Variants in MAP2K5 observed in about 807,000 individuals in gnomAD.
MAP2K5 encodes the protein mitogen-activated protein kinase kinase 5, also known as dual specificity mitogen-activated protein kinase kinase 5.
MAP2K5 carries 49 observed loss-of-function variants against 83.1 expected under a neutral mutation model. The observed-to-expected ratio is 0.59, with a 90% CI of 0.47 to 0.75. MAP2K5 has a LOEUF of 0.75. MAP2K5 is among the 30% of genes least tolerant of loss of function. The pLI is 0.00. For synonymous variants in MAP2K5, 202 were observed against 191.8 expected (o/e 1.05, Z -0.44); for missense variants, 457 against 557.5 (o/e 0.82, Z 1.82).
chr15:67,752,047 TTTTGTTTG>T (rs777800677), intron 19 of MAP2K5, among the ~76,000 whole-genome samples: 1 of 152,070 alleles, frequency 6.6e-6, no homozygotes, highest in Non-Finnish European at 1.5e-5. Flanking sequence ...CTTCGGTGTT[TTTTGTTTG>T]TTTGTTTGTT....
At chr15:67,609,785 T>C (rs1430152706) in intron 8 of MAP2K5, among the ~76,000 whole-genome samples, 1 of 151,874 alleles carries the variant, frequency 6.6e-6, no homozygotes, top group Non-Finnish European at 1.5e-5. Flanking sequence ...CTGTTTGAGC[T>C]GAGACCTAAA....
In MAP2K5 at chr15:67,736,782, T is replaced by C. The variant is rs993138284; in HGVS notation, c.1074+8837T>C. Among the ~76,000 whole-genome samples the C allele has an allele frequency of 3.9e-5, 6 of 152,364 alleles. No homozygotes were observed. In the East Asian group the frequency reaches 9.6e-4, roughly 24 times the overall value. On this transcript the variant is annotated intron_variant, in intron 17 of 21. Transcript: ENST00000178640. This position sits in a 1 kb window ranked among gnomAD's most constrained non-coding sequence, Gnocchi z 4.3. ...CTTGGTGTTCAGTCTGGCTTTCATG[T>C]GGCAGCTTTGCTATTATCTCTCCCT...
At chr15:67,656,786 C>A (rs1211564510) in intron 11 of MAP2K5, among the ~76,000 whole-genome samples, 2 of 152,128 alleles carry the variant, frequency 1.3e-5, no homozygotes, top group African/African-American at 4.8e-5. Flanking sequence ...AATGTCCTTT[C>A]CTGCCCTAAT....
intron 8 of MAP2K5, among the ~76,000 whole-genome samples, chr15:67,626,642 T>C (rs2086330994): frequency 6.6e-6 from 1 of 152,166 alleles, no homozygotes; most frequent in Non-Finnish European, 1.5e-5. Flanking sequence ...CTCATACCTG[T>C]AATCCCAGTG....
chr15:67,682,416 G>A (rs767058164), intron 13 of MAP2K5, among the ~76,000 whole-genome samples: 5 of 151,804 alleles, frequency 3.3e-5, no homozygotes, highest in African/African-American at 4.8e-5. Flanking sequence ...GTAAAGACAG[G>A]GTTTTGCCAC....
Position 67,783,938 on chromosome 15 carries a change from A to G in MAP2K5, c.1242+11186A>G, listed in dbSNP as rs1489693953. Among the ~76,000 whole-genome samples the G allele has an allele frequency of 6.6e-6, 1 of 152,264 alleles. No homozygotes were observed. The highest frequency in any genetic ancestry group is 1.5e-5 in the Non-Finnish European group (1 of 68,044). ...AGCCACACTAGCCAGTATTCATACT[A>G]CAATTTATTTTCTCTAAACAAACTT... On this transcript the variant is annotated intron_variant, in intron 21 of 21. Coordinates refer to ENST00000178640, the MANE Select transcript of MAP2K5 (RefSeq NM_145160.3). This position sits in a 1 kb window ranked among gnomAD's most constrained non-coding sequence, Gnocchi z 5.1.
intron 3 of MAP2K5, among the ~76,000 whole-genome samples, chr15:67,567,137 G>C (rs1055339482): frequency 1.6e-4 from 24 of 152,174 alleles, no homozygotes; most frequent in Non-Finnish European, 2.6e-4. Flanking sequence ...AAGTAATTTG[G>C]TCTCCAAGGA....
chr15:67,723,261 T>C (rs910823925), intron 16 of MAP2K5, among the ~76,000 whole-genome samples: 29 of 152,342 alleles, frequency 1.9e-4, no homozygotes, highest in African/African-American at 6.3e-4. Flanking sequence ...GCAATTGTTA[T>C]GATCTCTCTT....
chr15:67,680,320 T>G (rs1027308239), intron 13 of MAP2K5, among the ~76,000 whole-genome samples: 2 of 152,254 alleles, frequency 1.3e-5, no homozygotes, highest in African/African-American at 4.8e-5. Context: ...TTTTCATTTC[T>G]CTTGAGTAAA....
Position 67,801,310 on chromosome 15 carries a change from C to T in MAP2K5, c.1243-5336C>T, listed in dbSNP as rs909757072. On this transcript the variant is annotated intron_variant, in intron 21 of 21. Transcript: ENST00000178640. This position sits in a 1 kb window ranked among gnomAD's most constrained non-coding sequence, Gnocchi z 4.8. Reference sequence around the variant, plus strand: ...CATTTACAGGGCAGTCACCTGATCACAGGGCTGCCCTGTCCCAACAGCAGC... The same window carrying T: ...CATTTACAGGGCAGTCACCTGATCATAGGGCTGCCCTGTCCCAACAGCAGC... Among the ~76,000 whole-genome samples, 2 of 152,212 alleles carry T rather than the reference C, an allele frequency of 1.3e-5. No individual in the cohort carries two copies. The highest frequency in any genetic ancestry group is 2.4e-5 in the African/African-American group (1 of 41,446).
At chr15:67,713,289 A>G (rs980796636) in intron 16 of MAP2K5, among the ~76,000 whole-genome samples, 5 of 152,236 alleles carry the variant, frequency 3.3e-5, no homozygotes, top group African/African-American at 4.8e-5. Context: ...TGGAATGTAC[A>G]AGCTTAACAC....
chr15:67,576,650 T>C (rs1447976292), intron 3 of MAP2K5, among the ~76,000 whole-genome samples: 1 of 147,584 alleles, frequency 6.8e-6, no homozygotes, highest in Non-Finnish European at 1.5e-5. Flanking sequence ...AGTTACTGCA[T>C]GTAACGGATT....
intron 11 of MAP2K5, among the ~76,000 whole-genome samples, chr15:67,649,530 A>C (rs1417362069): frequency 6.6e-6 from 1 of 152,046 alleles, no homozygotes; most frequent in African/African-American, 2.4e-5. Context: ...TAGGGGTCCA[A>C]ATTTATTCGT....
chr15:67,572,605 A>G lies in MAP2K5; in HGVS notation c.253-8149A>G, dbSNP rs542930465. Among the ~76,000 whole-genome samples the G allele has an allele frequency of 1.3e-5, 2 of 152,342 alleles. No homozygotes were observed. Among genetic ancestry groups the G allele is most frequent in the East Asian group, 3.9e-4 (2 of 5,188 alleles). On this transcript the variant is annotated intron_variant, in intron 3 of 21. Transcript: ENST00000178640. This position sits in a 1 kb window ranked among gnomAD's most constrained non-coding sequence, Gnocchi z 4.2. Reference sequence around the variant, plus strand: ...TATGATGTTTGTTTATGTATAGGATAAAAAAGGATCATGGGGAGATGTGCT... The same window carrying G: ...TATGATGTTTGTTTATGTATAGGATGAAAAAGGATCATGGGGAGATGTGCT...
chr15:67,544,099 C>T (rs1445424106), intron 1 of MAP2K5, among the ~76,000 whole-genome samples: 1 of 152,206 alleles, frequency 6.6e-6, no homozygotes, highest in Non-Finnish European at 1.5e-5. Context: ...GAGGTATTGC[C>T]ATGTTGCCCA....
chr15:67,765,315 T>C (rs756089651), intron 19 of MAP2K5, among the ~76,000 whole-genome samples: 70 of 152,320 alleles, frequency 4.6e-4, no homozygotes, highest in Admixed American at 1.6e-3. Context: ...GCCAAGATCG[T>C]GCCACTGCAC....
intron 8 of MAP2K5, among the ~76,000 whole-genome samples, chr15:67,626,044 G>T (rs2086313520): frequency 6.6e-6 from 1 of 151,980 alleles, no homozygotes; most frequent in Admixed American, 6.6e-5. Context: ...TTTGAATCCT[G>T]TGTATATATT....
intron 21 of MAP2K5, among the ~76,000 whole-genome samples, chr15:67,800,352 ACTT>A (rs1566968779): frequency 1.3e-5 from 2 of 152,102 alleles, no homozygotes; most frequent in Non-Finnish European, 2.9e-5. Context: ...CATTGTAGAC[ACTT>A]CTTTTTAAAG....
At chr15:67,623,610 T>TC (rs1293809956) in intron 8 of MAP2K5, among the ~76,000 whole-genome samples, 30 of 151,726 alleles carry the variant, frequency 2.0e-4, no homozygotes, top group African/African-American at 7.2e-4. Flanking sequence ...TTTTTTTTTT[T>TC]TTAGACGGAG....
Sources: allele counts gnomAD v4.1 joint callset (sites outside exome capture counted in the v4.1 genomes callset), GRCh38; gene constraint gnomAD v4.1.1; non-coding constraint Gnocchi (gnomAD v3.1); transcripts MANE v1.5; gene names NCBI Gene and HGNC (gene_info 2026-07-23, HGNC 2026-07-21).